The following LYRM9 variants were observed in gnomAD, a reference collection of about 807,000 sequenced individuals.
LYRM9 encodes LYR motif containing 9.
A neutral mutation model predicts 12.6 loss-of-function variants in LYRM9; 14 were observed. The ratio of observed to expected loss-of-function variants is 1.11; its 90% CI spans 0.73 to 1.73. The LOEUF (loss-of-function observed/expected upper bound fraction) is 1.73, where lower values mean the gene tolerates loss of function less well. Ranked by LOEUF, LYRM9 falls within the 40% of genes most tolerant of loss-of-function variation. LYRM9 has a pLI of 0.00. For synonymous variants in LYRM9, 42 were observed against 35.1 expected (o/e 1.20, Z -0.69); for missense variants, 94 against 95.0 (o/e 0.99, Z 0.04).
intron 1 of LYRM9, among the ~76,000 whole-genome samples, chr17:27,888,933 T>C (rs903650673): frequency 6.6e-6 from 1 of 152,168 alleles, no homozygotes; most frequent in Non-Finnish European, 1.5e-5. Context: ...CTCTACTCTT[T>C]GGGACAAAAT....
At chr17:27,888,753 G>A (rs1054416506) in intron 1 of LYRM9, among the ~76,000 whole-genome samples, 3 of 152,004 alleles carry the variant, frequency 2.0e-5, no homozygotes, top group Non-Finnish European at 4.4e-5. Context: ...ATAAAAAATC[G>A]CTTTAAAAAC....
chr17:27,885,929 T>C (rs1468535869), intron 1 of LYRM9, among the ~76,000 whole-genome samples: 1 of 151,320 alleles, frequency 6.6e-6, no homozygotes, highest in Non-Finnish European at 1.5e-5. Flanking sequence ...TAAGGCAGAG[T>C]CGGACAGGAC....
chr17:27,891,746 TCTGCTATCTACTAG>T (rs1024067611), intron 1 of LYRM9, among the ~76,000 whole-genome samples: 1 of 152,180 alleles, frequency 6.6e-6, no homozygotes, highest in African/African-American at 2.4e-5. Flanking sequence ...AAAGCCTACC[TCTGCTATCTACTAG>T]CTGTGTAATC....
intron 1 of LYRM9, among the ~76,000 whole-genome samples, chr17:27,890,346 T>TAC (rs1285451702): frequency 6.6e-6 from 1 of 151,952 alleles, no homozygotes; most frequent in African/African-American, 2.4e-5. Context: ...CATGCCTTTC[T>TAC]GAAACCCAAG....
At chr17:27,880,657 C>T in intron 2 of LYRM9, 1 of 476,740 alleles carries the variant, frequency 2.1e-6, no homozygotes, top group East Asian at 3.9e-5. Flanking sequence ...CAAGCTAGGC[C>T]CAAAGGCTAT....
chr17:27,891,341 G>A (rs182148550), intron 1 of LYRM9, among the ~76,000 whole-genome samples: 1 of 152,264 alleles, frequency 6.6e-6, no homozygotes, highest in African/African-American at 2.4e-5. Context: ...GACCCTGGAC[G>A]AGTTTCTTAA....
At chr17:27,879,888 C>T (rs1368551248) in intron 3 of LYRM9, 5 of 585,584 alleles carry the variant, frequency 8.5e-6, no homozygotes, top group African/African-American at 1.9e-5. Context: ...CATAATTCTG[C>T]CCCAGTGTGA....
Position 27,882,648 on chromosome 17 carries a change from A to AT in LYRM9, c.46_47insA (p.Leu16HisfsTer35). On this transcript the variant is annotated frameshift_variant, in exon 2 of 4. Transcript: ENST00000379102. LOFTEE classifies it high-confidence loss of function. The stretch of plus-strand genomic sequence containing the variant: ...GCAACAGCGCAGCAAGTATCGGTAG[A>AT]GCTGCAGTGGCCTCCGAACCAGTTC... 6.2e-7 allele frequency: 1 copy of AT among 1,603,426 alleles called. No individual in the cohort carries two copies. The highest frequency in any genetic ancestry group is 8.5e-7 in the Non-Finnish European group (1 of 1,175,490).
intron 1 of LYRM9, among the ~76,000 whole-genome samples, chr17:27,888,266 A>G (rs979374043): frequency 1.3e-5 from 2 of 152,172 alleles, no homozygotes; most frequent in East Asian, 3.9e-4. Context: ...CAGTGCCACC[A>G]TGCTCAGTGG....
At chr17:27,882,034 C>T (rs889899605) in intron 2 of LYRM9, among the ~76,000 whole-genome samples, 2 of 152,198 alleles carry the variant, frequency 1.3e-5, no homozygotes, top group Non-Finnish European at 2.9e-5. Context: ...GGATTACAGA[C>T]ATGAGCCACC....
chr17:27,885,368 C>T (rs1390789754), intron 1 of LYRM9, among the ~76,000 whole-genome samples: 1 of 152,126 alleles, frequency 6.6e-6, no homozygotes, highest in Non-Finnish European at 1.5e-5. Context: ...GAGACCATAG[C>T]CACATAGCAG....
At chr17:27,892,560 G>T (rs1328258768) in intron 1 of LYRM9, 1 of 369,336 alleles carries the variant, frequency 2.7e-6, no homozygotes, top group Non-Finnish European at 5.2e-6. Context: ...GCTACTTAAT[G>T]TATGATTCCA....
chr17:27,882,066 T>C (rs546830893), intron 2 of LYRM9, among the ~76,000 whole-genome samples: 29 of 152,290 alleles, frequency 1.9e-4, no homozygotes, highest in African/African-American at 6.5e-4. Flanking sequence ...CCAATAATAT[T>C]CTTTACAGCA....
At chr17:27,882,160 C>T (rs532489053) in intron 2 of LYRM9, among the ~76,000 whole-genome samples, 2 of 152,204 alleles carry the variant, frequency 1.3e-5, no homozygotes, top group South Asian at 2.1e-4. Flanking sequence ...AAAATGTCAG[C>T]GTTGTGTTTC....
In LYRM9 at chr17:27,886,996, C is replaced by T. The variant is rs1470239649; in HGVS notation, c.-18-4284G>A. On this transcript the variant is annotated intron_variant, in intron 1 of 3. Transcript: ENST00000379102. The surrounding 1 kb of genome is among the most constrained non-coding windows in gnomAD (Gnocchi z 4.8). ...TCAAATTCCACCTCTGAATGCCCCTCATATTTTTCCCTTCCTCTCTACTCC... is the reference window on the plus strand; with the variant it reads ...TCAAATTCCACCTCTGAATGCCCCTTATATTTTTCCCTTCCTCTCTACTCC... Among the ~76,000 whole-genome samples the T allele has an allele frequency of 6.6e-6, 1 of 152,094 alleles. No homozygotes were observed. Among genetic ancestry groups the T allele is most frequent in the Non-Finnish European group, 1.5e-5 (1 of 68,020 alleles).
chr17:27,883,832 T>C (rs1013032845), intron 1 of LYRM9, among the ~76,000 whole-genome samples: 2 of 70,740 alleles, frequency 2.8e-5, no homozygotes. Context: ...CAGAGCCTTT[T>C]TCTAAAAAAA....
intron 1 of LYRM9, among the ~76,000 whole-genome samples, chr17:27,890,133 G>T (rs1193756017): frequency 2.6e-5 from 4 of 152,196 alleles, no homozygotes; most frequent in Admixed American, 2.6e-4. Flanking sequence ...AGGTCTATTT[G>T]ATTCCAAAGA....
At position 27,879,366 on chromosome 17, in the gene LYRM9, T is replaced by C; in HGVS notation, c.*107A>G. ...GTCAGCTTCTCCCCTGATTTCTGGCTTTCAGCCAACAAGGCCAATGGCTCT... is the reference window on the plus strand; with the variant it reads ...GTCAGCTTCTCCCCTGATTTCTGGCCTTCAGCCAACAAGGCCAATGGCTCT... On this transcript the variant is annotated 3_prime_UTR_variant, in exon 4 of 4. Transcript: ENST00000379102. The C allele has an allele frequency of 7.7e-7, 1 of 1,306,568 alleles. No individual in the cohort carries two copies. Among genetic ancestry groups the C allele is most frequent in the South Asian group, 1.5e-5 (1 of 67,268 alleles). 80.9% of individuals were successfully genotyped at this position (1,306,568 alleles called of 1,614,324 possible). A position where few individuals can be genotyped will look rare whatever the true frequency, so the allele number is the denominator to read the frequency against.
rs1904954720 is a variant in LYRM9 at position 27,879,318 on chromosome 17, G to C, written c.*155C>G. The C allele has an allele frequency of 1.5e-6, 1 of 683,810 alleles. No individual in the cohort carries two copies. Among genetic ancestry groups the C allele is most frequent in the Admixed American group, 3.7e-5 (1 of 26,902 alleles). 42.4% of individuals were successfully genotyped at this position (683,810 alleles called of 1,614,324 possible). A position where few individuals can be genotyped will look rare whatever the true frequency, so the allele number is the denominator to read the frequency against. ...AAAGGATGCTAGCAACATGGCCGCG[G>C]CAAGAGGAGCCTCTGGAGCAAGGTC... On this transcript the variant is annotated 3_prime_UTR_variant, in exon 4 of 4. Transcript: ENST00000379102.
Sources: allele counts gnomAD v4.1 joint callset (sites outside exome capture counted in the v4.1 genomes callset), GRCh38; gene constraint gnomAD v4.1.1; non-coding constraint Gnocchi (gnomAD v3.1); transcripts MANE v1.5; gene names NCBI Gene and HGNC (gene_info 2026-07-23, HGNC 2026-07-21).